Variants in UPF1 observed in about 807,000 individuals in gnomAD.
UPF1 encodes the protein regulator of nonsense transcripts 1.
Under a neutral mutation model 129.2 loss-of-function variants are expected in UPF1, and 9 were observed. That is an observed-to-expected ratio of 0.07 (90% confidence interval 0.04 to 0.12). The LOEUF (loss-of-function observed/expected upper bound fraction) is 0.12, where lower values mean the gene tolerates loss of function less well. UPF1 is among the 10% of genes least tolerant of loss of function. UPF1 has a pLI of 1.00. For synonymous variants in UPF1, 649 were observed against 644.9 expected (o/e 1.01, Z -0.10); for missense variants, 788 against 1,525.3 (o/e 0.52, Z 8.05).
chr19:18,843,362 G>T (rs1407649445), intron 1 of UPF1, among the ~76,000 whole-genome samples: 1 of 152,338 alleles, frequency 6.6e-6, no homozygotes, highest in East Asian at 1.9e-4. Context: ...TGAGGGAACA[G>T]CAGGTGCAAG....
intron 1 of UPF1, among the ~76,000 whole-genome samples, chr19:18,839,394 C>T (rs2055517291): frequency 6.6e-6 from 1 of 152,082 alleles, no homozygotes; most frequent in East Asian, 1.9e-4. Context: ...ACACCTGGCC[C>T]CTTTAAGTAT....
At chr19:18,849,884 A>AT in intron 3 of UPF1, 191 bp from the exon 4 acceptor site, 1 of 635,296 alleles carries the variant, frequency 1.6e-6, no homozygotes, top group African/African-American at 1.8e-5. Context: ...TCAAGTTGGG[A>AT]TTGATTTTTG....
Position 18,865,893 on chromosome 19 carries a change from A to G in UPF1, c.3237+115A>G. On this transcript the variant is annotated intron_variant, in intron 22 of 23. Transcript: ENST00000262803. This position sits in a 1 kb window ranked among gnomAD's most constrained non-coding sequence, Gnocchi z 6.1. ...CTGGCCCATGTCCACTGTCTGAATT[A>G]CCTGTCCCTGGGCTGGGGTCATCAG... The G allele has an allele frequency of 6.4e-7, 1 of 1,571,560 alleles. No homozygotes were observed. Among genetic ancestry groups the G allele is most frequent in the African/African-American group, 1.4e-5 (1 of 73,740 alleles).
At chr19:18,834,858 C>T (rs1056644075) in intron 1 of UPF1, among the ~76,000 whole-genome samples, 9 of 152,140 alleles carry the variant, frequency 5.9e-5, no homozygotes, top group African/African-American at 2.2e-4. Context: ...AACTCTCATT[C>T]TGCTTTTTTA....
At chr19:18,848,855 A>G (rs569583196) in intron 3 of UPF1, among the ~76,000 whole-genome samples, 4 of 152,322 alleles carry the variant, frequency 2.6e-5, no homozygotes, top group East Asian at 1.9e-4. Flanking sequence ...AAGTGTTGCT[A>G]TGTTTGCATT....
chr19:18,865,225 G>T lies in UPF1; in HGVS notation c.2858-64G>T. 1 of 1,516,614 alleles carries T rather than the reference G, an allele frequency of 6.6e-7. No individual in the cohort carries two copies. The highest frequency in any genetic ancestry group is 1.3e-5 in the South Asian group (1 of 78,802). The allele number at this position is 1,516,614 out of a possible 1,614,324, so 93.9% of individuals were successfully genotyped here. ...TCCGGCTGACTGGCTGGTGGGGTGG[G>T]TGGGGTATCGCTGGGGTTTGACCGA... On this transcript the variant is annotated intron_variant, in intron 20 of 23. Coordinates refer to ENST00000262803, the MANE Select transcript of UPF1 (RefSeq NM_002911.4). This position sits in a 1 kb window ranked among gnomAD's most constrained non-coding sequence, Gnocchi z 6.1.
chr19:18,855,823 G>C, intron 11 of UPF1, 102 bp from the exon 12 acceptor site: 1 of 1,468,978 alleles, frequency 6.8e-7, no homozygotes. Flanking sequence ...ACTCCAGCCT[G>C]GGCAACAGAG....
At chr19:18,852,914 C>A in intron 6 of UPF1, 73 bp from the exon 7 acceptor site, 2 of 1,288,412 alleles carry the variant, frequency 1.6e-6, no homozygotes, top group South Asian at 2.6e-5. Context: ...CCTCATGGGG[C>A]CTCGGGCATG....
intron 1 of UPF1, among the ~76,000 whole-genome samples, chr19:18,841,641 G>A (rs1026794454): frequency 4.6e-5 from 7 of 152,168 alleles, no homozygotes; most frequent in African/African-American, 1.7e-4. Context: ...GCACCTTCTG[G>A]ACTGAACCCC....
chr19:18,861,682 A>C (rs978740818), intron 17 of UPF1, among the ~76,000 whole-genome samples: 7 of 152,156 alleles, frequency 4.6e-5, no homozygotes, highest in Admixed American at 3.9e-4. Flanking sequence ...AAAAAAAATA[A>C]TAACTGGGTA....
chr19:18,860,285 G>A, intron 15 of UPF1, 36 bp from the exon 16 acceptor site: 1 of 1,607,672 alleles, frequency 6.2e-7, no homozygotes, highest in East Asian at 2.2e-5. Flanking sequence ...GCGGGCTAGG[G>A]CTTTTGAAGT....
chr19:18,852,959 C>T (rs1452733258), intron 6 of UPF1, 28 bp from the exon 7 acceptor site: 1 of 1,598,536 alleles, frequency 6.3e-7, no homozygotes, highest in Admixed American at 1.7e-5. Context: ...TGGAGGCTAA[C>T]CGGGGCTCTT....
chr19:18,863,398 G>C, intron 18 of UPF1, 40 bp from the exon 19 acceptor site: 1 of 1,597,964 alleles, frequency 6.3e-7, no homozygotes, highest in South Asian at 1.1e-5. Context: ...GAGACGGGCA[G>C]CTCTCCACCT....
At chr19:18,845,910 G>A (rs2055591569) in intron 1 of UPF1, 70 bp from the exon 2 acceptor site, 1 of 1,566,060 alleles carries the variant, frequency 6.4e-7, no homozygotes, top group Non-Finnish European at 8.6e-7. Flanking sequence ...CAGAGTCATC[G>A]AGGCTGGTTC....
rs372087561 is a variant in UPF1, at chr19:18,855,256, G to A, written c.1544+14G>A. 2.4e-5 allele frequency: 39 copies of A among 1,606,710 alleles called. 1 individual carries two copies. The African/African-American group carries it at 4.4e-4, about 18-fold the overall frequency. ...GCAAGGCAACGGGTAGGGCTGACACGGCCCTTGCGGGCAAGACCCGGGAGG... is the reference window on the plus strand; with the variant it reads ...GCAAGGCAACGGGTAGGGCTGACACAGCCCTTGCGGGCAAGACCCGGGAGG... On this transcript the variant is annotated intron_variant, in intron 11 of 23. Transcript: ENST00000262803.
At position 18,832,532 on chromosome 19, in the gene UPF1, C is replaced by T; in HGVS notation, c.231+92C>T. 1.1e-6 allele frequency: 1 copy of T among 918,702 alleles called. No homozygotes were observed. The highest frequency in any genetic ancestry group is 1.3e-6 in the Non-Finnish European group (1 of 768,526). 56.9% of individuals were successfully genotyped at this position (918,702 alleles called of 1,614,324 possible). ...CGCCTCGGGCCCGGCCTGTGTTTGGCCGGAGTCCCCCATCGCGGCCGGGCC... is the reference window on the plus strand; with the variant it reads ...CGCCTCGGGCCCGGCCTGTGTTTGGTCGGAGTCCCCCATCGCGGCCGGGCC... On this transcript the variant is annotated intron_variant, in intron 1 of 23. Transcript: ENST00000262803. The surrounding 1 kb of genome is among the most constrained non-coding windows in gnomAD (Gnocchi z 5.6).
rs2055437334 is a variant in UPF1, at chr19:18,832,419, G to T, written c.210G>T (p.Ala70=). Residue 70 remains alanine (A), a synonymous_variant, in exon 1 of 24, where the codon GCG becomes GCT. Coordinates refer to ENST00000262803, the MANE Select transcript of UPF1 (RefSeq NM_002911.4). The surrounding 1 kb of genome is among the most constrained non-coding windows in gnomAD (Gnocchi z 5.6). Reference sequence around the variant, plus strand: ...CGGGCGGCGCGGGCGCGGGCGCTGCGGCGGGACAGCTCGACGCGCAGGTGA... The same window carrying T: ...CGGGCGGCGCGGGCGCGGGCGCTGCTGCGGGACAGCTCGACGCGCAGGTGA... The part of the protein sequence containing the change: ...GGPGGAGAGA[A]AGQLDAQVGP... 2 of 997,258 alleles carry T rather than the reference G, an allele frequency of 2.0e-6. No individual in the cohort carries two copies. Among genetic ancestry groups the T allele is most frequent in the East Asian group, 1.1e-4 (1 of 9,522 alleles). 61.8% of individuals were successfully genotyped at this position (997,258 alleles called of 1,614,324 possible).
chr19:18,856,552 C>G (rs2055720358), intron 13 of UPF1, among the ~76,000 whole-genome samples: 1 of 152,162 alleles, frequency 6.6e-6, no homozygotes, highest in Admixed American at 6.5e-5. Context: ...AACACTCCTG[C>G]TCTTTCATAA....
Position 18,865,651 on chromosome 19 carries a change from A to G in UPF1, c.3110A>G (p.Asn1037Ser), listed in dbSNP as rs2055835004. The G allele has an allele frequency of 1.2e-6, 2 of 1,613,746 alleles. No individual in the cohort carries two copies. The highest frequency in any genetic ancestry group is 8.5e-7 in the Non-Finnish European group (1 of 1,180,018). The stretch of plus-strand genomic sequence containing the variant: ...GGACCCAGCCAGACTAACCTCCCCA[A>G]CAGCCAAGCCAGCCAGGATGTGGCG... Reference protein sequence around the residue: ...LPGPSQTNLPNSQASQDVASQ... With the variant: ...LPGPSQTNLPSSQASQDVASQ... The change falls in exon 22 of 24, where the codon AAC becomes AGC. Residue 1037 changes from asparagine to serine, a missense_variant. This residue lies in a region of UPF1 where 218 missense variants were observed against 318.1 expected (regional missense o/e 0.69). Coordinates refer to ENST00000262803, the MANE Select transcript of UPF1 (RefSeq NM_002911.4). This position sits in a 1 kb window ranked among gnomAD's most constrained non-coding sequence, Gnocchi z 6.1.
Sources: gnomAD v4.1 joint callset for allele counts (sites outside exome capture counted in the v4.1 genomes callset) on GRCh38, gnomAD v4.1.1 for gene constraint, gnomAD v4.1.1 regional missense constraint, Gnocchi (gnomAD v3.1) non-coding constraint, MANE v1.5 for transcripts, NCBI Gene and HGNC (gene_info 2026-07-23, HGNC 2026-07-21) for gene names.